The following PCDH9 variants were observed in gnomAD, a reference collection of about 807,000 sequenced individuals.
The protein encoded by PCDH9 is protocadherin 9, also known as protocadherin-9.
Under a neutral mutation model 70.6 loss-of-function variants are expected in PCDH9, and 24 were observed. The observed-to-expected ratio is 0.34, with a 90% CI of 0.25 to 0.48. PCDH9 has a LOEUF of 0.48. Among genes scored for constraint, PCDH9 ranks in the 20% least tolerant of loss-of-function variants. PCDH9 has a pLI of 0.99. For missense variants in PCDH9, 1,281 were observed against 1,503.6 expected (o/e 0.85, Z 2.45); for synonymous variants, 562 against 558.5 (o/e 1.01, Z -0.09).
intron 3 of PCDH9, among the ~76,000 whole-genome samples, chr13:66,674,412 A>C (rs1396609134): frequency 7.1e-6 from 1 of 140,472 alleles, no homozygotes; most frequent in Non-Finnish European, 1.6e-5. Flanking sequence ...TCCACTTTAT[A>C]CTGTATTGTG....
At chr13:66,484,653 G>A (rs1257770994) in intron 4 of PCDH9, among the ~76,000 whole-genome samples, 2 of 152,144 alleles carry the variant, frequency 1.3e-5, no homozygotes, top group African/African-American at 4.8e-5. Flanking sequence ...GTTATTCAGT[G>A]CCAGGTGCAT....
At chr13:66,544,205 A>G (rs1013875501) in intron 4 of PCDH9, among the ~76,000 whole-genome samples, 1 of 152,100 alleles carries the variant, frequency 6.6e-6, no homozygotes, top group Non-Finnish European at 1.5e-5. Context: ...CCTATTTCCT[A>G]TCACTGTTTT....
chr13:66,515,989 C>T (rs966407224), intron 4 of PCDH9, among the ~76,000 whole-genome samples: 2 of 151,912 alleles, frequency 1.3e-5, no homozygotes, highest in Non-Finnish European at 2.9e-5. Context: ...TCTCCCATAC[C>T]CATTGGCTTT....
intron 4 of PCDH9, among the ~76,000 whole-genome samples, chr13:66,358,219 C>A (rs1354217348): frequency 6.6e-6 from 1 of 151,868 alleles, no homozygotes; most frequent in African/African-American, 2.4e-5. Context: ...AAAGCTACTA[C>A]TTAAGGGAAA....
chr13:67,107,127 C>T (rs903542264), intron 2 of PCDH9, among the ~76,000 whole-genome samples: 2 of 152,104 alleles, frequency 1.3e-5, no homozygotes, highest in African/African-American at 2.4e-5. Flanking sequence ...GCATGGGGGC[C>T]GGGCTGTCAC....
chr13:66,634,062 C>T (rs2077606574), intron 3 of PCDH9, among the ~76,000 whole-genome samples: 1 of 152,048 alleles, frequency 6.6e-6, no homozygotes, highest in Admixed American at 6.6e-5. Flanking sequence ...TTCTTTAGCA[C>T]TTTATAAGTG....
chr13:66,338,191 A>G (rs1956067661), intron 4 of PCDH9, among the ~76,000 whole-genome samples: 1 of 152,064 alleles, frequency 6.6e-6, no homozygotes, highest in African/African-American at 2.4e-5. Flanking sequence ...TAGTACACAG[A>G]ACATAGGTGT....
At chr13:67,138,453 A>T (rs183415195) in intron 2 of PCDH9, among the ~76,000 whole-genome samples, 43 of 152,306 alleles carry the variant, frequency 2.8e-4, no homozygotes, top group Admixed American at 5.9e-4. Flanking sequence ...AGGAAGGAAA[A>T]TAGGGTCTGG....
intron 4 of PCDH9, 91 bp from the exon 5 acceptor site, chr13:66,305,119 T>A (rs1364373165): frequency 9.0e-7 from 1 of 1,115,426 alleles, no homozygotes; most frequent in Non-Finnish European, 1.2e-6. Context: ...TTATTAGTGA[T>A]CTTATTTTTT....
At chr13:66,595,975 A>G (rs1229120838) in intron 4 of PCDH9, among the ~76,000 whole-genome samples, 2 of 151,738 alleles carry the variant, frequency 1.3e-5, no homozygotes, top group Non-Finnish European at 3.0e-5. Flanking sequence ...TTGTATATGA[A>G]ATGCACAAGG....
intron 3 of PCDH9, among the ~76,000 whole-genome samples, chr13:66,784,380 G>A (rs1253789028): frequency 6.6e-6 from 1 of 152,040 alleles, no homozygotes; most frequent in African/African-American, 2.4e-5. Context: ...GCAGTGTAGA[G>A]TTGTAAAAGC....
intron 3 of PCDH9, chr13:66,859,091 C>T (rs1474259442): frequency 6.6e-6 from 1 of 152,150 alleles, no homozygotes; most frequent in Non-Finnish European, 1.5e-5. Context: ...ACATCTCTGT[C>T]CATGTTACCC....
At chr13:66,704,955 T>A (rs1362775622) in intron 3 of PCDH9, among the ~76,000 whole-genome samples, 2 of 152,174 alleles carry the variant, frequency 1.3e-5, no homozygotes, top group African/African-American at 4.8e-5. Flanking sequence ...TTTATAGCAA[T>A]TTGTTTTCAT....
intron 4 of PCDH9, among the ~76,000 whole-genome samples, chr13:66,594,473 T>C: frequency 1.4e-3 from 1 of 708 alleles, no homozygotes; most frequent in Non-Finnish European, 6.6e-3. Context: ...TTTTTGTTTA[T>C]TTTATTTTAT....
intron 2 of PCDH9, among the ~76,000 whole-genome samples, chr13:67,194,267 A>G (rs552782783): frequency 2.0e-5 from 3 of 152,260 alleles, no homozygotes; most frequent in East Asian, 1.9e-4. Context: ...TGTTTTACTA[A>G]TGTTGATTCA....
At chr13:66,841,693 TATA>T (rs745507352) in intron 3 of PCDH9, among the ~76,000 whole-genome samples, 7 of 152,182 alleles carry the variant, frequency 4.6e-5, no homozygotes, top group Non-Finnish European at 7.4e-5. Flanking sequence ...CAATATCAAA[TATA>T]ATAAAAATTA....
intron 3 of PCDH9, among the ~76,000 whole-genome samples, chr13:66,867,697 A>C (rs992731440): frequency 6.6e-6 from 1 of 152,080 alleles, no homozygotes; most frequent in Non-Finnish European, 1.5e-5. Flanking sequence ...GGGTTTTGCT[A>C]TTACCAAAAA....
chr13:66,574,137 A>G (rs2076777747), intron 4 of PCDH9, among the ~76,000 whole-genome samples: 2 of 152,194 alleles, frequency 1.3e-5, no homozygotes, highest in Admixed American at 1.3e-4. Context: ...GAAAAACAAG[A>G]ATGTCTCAAC....
At chr13:66,930,025 A>G (rs556494639) in intron 2 of PCDH9, among the ~76,000 whole-genome samples, 5 of 152,280 alleles carry the variant, frequency 3.3e-5, no homozygotes, top group Admixed American at 2.0e-4. Flanking sequence ...GATTATCTAT[A>G]TTAATAAGAA....
Sources: allele counts gnomAD v4.1 joint callset (sites outside exome capture counted in the v4.1 genomes callset), GRCh38; gene constraint gnomAD v4.1.1; transcripts MANE v1.5; gene names NCBI Gene and HGNC (gene_info 2026-07-23, HGNC 2026-07-21).